Variants in PDE10A observed in about 807,000 individuals in gnomAD.
The protein encoded by PDE10A is cAMP and cAMP-inhibited cGMP 3',5'-cyclic phosphodiesterase 10A.
Under a neutral mutation model 97.7 loss-of-function variants are expected in PDE10A, and 39 were observed. The ratio of observed to expected loss-of-function variants is 0.40; its 90% CI spans 0.31 to 0.52. The LOEUF (loss-of-function observed/expected upper bound fraction) is 0.52. PDE10A is among the 20% of genes least tolerant of loss of function. The pLI is 0.56. For synonymous variants in PDE10A, 371 were observed against 376.8 expected (o/e 0.98, Z 0.18); for missense variants, 731 against 1,047.8 (o/e 0.70, Z 4.17).
intron 1 of PDE10A, among the ~76,000 whole-genome samples, chr6:165,543,909 G>T (rs983930039): frequency 2.0e-5 from 3 of 152,008 alleles, no homozygotes; most frequent in East Asian, 1.9e-4. Context: ...CAATAAAAAA[G>T]AATGCAGTTA....
rs1781147754 is a variant in PDE10A at position 165,328,145 on chromosome 6, C to G, written c.*4880G>C. 1 of 152,158 alleles carries G rather than the reference C, an allele frequency of 6.6e-6. No individual in the cohort carries two copies. Among genetic ancestry groups the G allele is most frequent in the Non-Finnish European group, 1.5e-5 (1 of 68,050 alleles). 9.4% of individuals were successfully genotyped at this position (152,158 alleles called of 1,614,324 possible). ...CTGGGTAAATCTATTACACTCTGAA[C>G]TTGCACACGAAATGAACACATAGCA... On this transcript the variant is annotated 3_prime_UTR_variant, in exon 22 of 22. Coordinates refer to ENST00000539869, the MANE Select transcript of PDE10A (RefSeq NM_001385079.1).
intron 2 of PDE10A, among the ~76,000 whole-genome samples, chr6:165,521,900 A>G (rs1356944121): frequency 6.6e-6 from 1 of 152,106 alleles, no homozygotes; most frequent in Non-Finnish European, 1.5e-5. Context: ...AAATTTGACT[A>G]CTCATATAAG....
At chr6:165,573,329 G>A (rs34610399) in intron 1 of PDE10A, among the ~76,000 whole-genome samples, 16,745 of 150,240 alleles carry the variant, frequency 0.11, 1,820 homozygotes, top group African/African-American at 0.29. Context: ...TGCATTAGTA[G>A]ATTACTACTA....
chr6:165,442,856 C>A (rs372267578), intron 5 of PDE10A, among the ~76,000 whole-genome samples: 2 of 152,192 alleles, frequency 1.3e-5, no homozygotes, highest in African/African-American at 4.8e-5. Context: ...TGGTGGCTCA[C>A]GCTTGTAATG....
intron 1 of PDE10A, among the ~76,000 whole-genome samples, chr6:165,652,341 C>G (rs1789724846): frequency 6.6e-6 from 1 of 151,666 alleles, no homozygotes; most frequent in Non-Finnish European, 1.5e-5. Flanking sequence ...ACTGCAGCCT[C>G]AACCTCCCGG....
At chr6:165,614,148 A>G (rs1164119018) in intron 1 of PDE10A, among the ~76,000 whole-genome samples, 2 of 152,210 alleles carry the variant, frequency 1.3e-5, no homozygotes, top group Non-Finnish European at 2.9e-5. Flanking sequence ...TTGCTGGTTT[A>G]GTCCACCACT....
chr6:165,895,650 C>T (rs1781922222), intron 1 of PDE10A, among the ~76,000 whole-genome samples: 1 of 152,214 alleles, frequency 6.6e-6, no homozygotes, highest in Non-Finnish European at 1.5e-5. Flanking sequence ...GCCTTTGCCA[C>T]AGTCCTCTCA....
At chr6:165,854,093 C>T (rs546026950) in intron 1 of PDE10A, among the ~76,000 whole-genome samples, 170 of 152,286 alleles carry the variant, frequency 1.1e-3, no homozygotes, top group Non-Finnish European at 2.1e-3. Context: ...AGGGAAGAGC[C>T]CAGGCAGGGG....
intron 18 of PDE10A, among the ~76,000 whole-genome samples, chr6:165,374,088 G>C (rs1029890977): frequency 9.1e-6 from 1 of 109,424 alleles, no homozygotes; most frequent in Non-Finnish European, 1.8e-5. Flanking sequence ...TGTGGGGTGG[G>C]GGGAGGGGGG....
intron 18 of PDE10A, among the ~76,000 whole-genome samples, chr6:165,349,944 C>T (rs1218883033): frequency 6.6e-6 from 1 of 152,204 alleles, no homozygotes; most frequent in East Asian, 1.9e-4. Context: ...TATGGAAAAG[C>T]CTGGATGTCC....
intron 12 of PDE10A, among the ~76,000 whole-genome samples, chr6:165,413,888 A>G (rs1229833415): frequency 2.0e-5 from 3 of 152,124 alleles, no homozygotes; most frequent in Admixed American, 6.5e-5. Context: ...AAAATATTCT[A>G]ATCTGTTGGT....
At chr6:165,375,244 C>T (rs1431782124) in intron 18 of PDE10A, among the ~76,000 whole-genome samples, 1 of 152,158 alleles carries the variant, frequency 6.6e-6, no homozygotes, top group African/African-American at 2.4e-5. Context: ...AGGCTGAAAG[C>T]AAGGACTCTT....
intron 1 of PDE10A, among the ~76,000 whole-genome samples, chr6:165,935,348 G>T (rs1429598202): frequency 6.6e-6 from 1 of 152,252 alleles, no homozygotes; most frequent in East Asian, 1.9e-4. Context: ...CTGGAAGTCT[G>T]TGCACAGGAG....
rs1583087015 is a variant in PDE10A at position 165,349,535 on chromosome 6, G to A, written c.2784-6033C>T. Among the ~76,000 whole-genome samples the A allele has an allele frequency of 3.3e-5, 5 of 152,314 alleles. No individual in the cohort carries two copies. In the South Asian group the frequency reaches 1.0e-3, roughly 32 times the overall value. On this transcript the variant is annotated intron_variant, in intron 18 of 21. Coordinates refer to ENST00000539869, the MANE Select transcript of PDE10A (RefSeq NM_001385079.1). ...GAAAAATGTGCAGCCTGATGATGTGGTAGAAAAGAAAAACCAATTTTCTGG... is the reference window on the plus strand; with the variant it reads ...GAAAAATGTGCAGCCTGATGATGTGATAGAAAAGAAAAACCAATTTTCTGG...
intron 2 of PDE10A, among the ~76,000 whole-genome samples, chr6:165,534,272 C>T (rs184614843): frequency 7.8e-6 from 1 of 128,666 alleles, no homozygotes; most frequent in Admixed American, 8.2e-5. Flanking sequence ...AGACTGATAA[C>T]AAGTAACAAG....
chr6:165,944,878 A>G (rs1583323041), intron 1 of PDE10A, among the ~76,000 whole-genome samples: 1 of 152,370 alleles, frequency 6.6e-6, no homozygotes, highest in East Asian at 1.9e-4. Flanking sequence ...TCCTTTTATG[A>G]AAAGTCTATG....
intron 1 of PDE10A, among the ~76,000 whole-genome samples, chr6:165,783,009 C>G (rs1320871030): frequency 6.6e-6 from 1 of 150,638 alleles, no homozygotes; most frequent in East Asian, 1.9e-4. Context: ...CTCTGATGCT[C>G]TACATACACT....
intron 2 of PDE10A, among the ~76,000 whole-genome samples, chr6:165,516,362 T>C (rs550487231): frequency 1.3e-5 from 2 of 152,296 alleles, no homozygotes; most frequent in South Asian, 2.1e-4. Flanking sequence ...ACATGCTTCC[T>C]CCCTAAATCC....
intron 1 of PDE10A, among the ~76,000 whole-genome samples, chr6:165,817,639 C>T (rs9459508): frequency 0.37 from 56,326 of 151,944 alleles, 10,961 homozygotes; most frequent in Middle Eastern, 0.48. Flanking sequence ...CAACAGAGCC[C>T]GGCTCAGTCC....
Sources: gnomAD v4.1 joint callset for allele counts (sites outside exome capture counted in the v4.1 genomes callset) on GRCh38, gnomAD v4.1.1 for gene constraint, MANE v1.5 for transcripts, NCBI Gene and HGNC (gene_info 2026-07-23, HGNC 2026-07-21) for gene names.